ATP1B1: variants seen among roughly 807,000 people sequenced by gnomAD.
ATP1B1 encodes the protein sodium/potassium-transporting ATPase subunit beta-1.
Under a neutral mutation model 39.6 loss-of-function variants are expected in ATP1B1, and 3 were observed. The observed-to-expected ratio is 0.08, with a 90% confidence interval of 0.03 to 0.20. The LOEUF is 0.20. Among genes scored for constraint, ATP1B1 ranks in the 10% least tolerant of loss-of-function variants. ATP1B1 has a pLI of 1.00. For synonymous variants in ATP1B1, 139 were observed against 135.0 expected, an observed-to-expected ratio of 1.03 and a Z score of -0.20; for missense variants, 216 against 371.1, an observed-to-expected ratio of 0.58 and a Z score of 3.43.
In ATP1B1 at chr1:169,127,454, T is replaced by G. The variant is rs764143100; in HGVS notation, c.567+46T>G. 1.4e-5 allele frequency: 22 copies of G among 1,551,620 alleles called. No individual in the cohort carries two copies. The South Asian group carries it at 2.4e-4, about 17-fold the overall frequency. ...TAGAATTTAGATGAGTCATTTACAC[T>G]AAGTACTTAATTGATCTGAGAAGAC... On this transcript the variant is annotated intron_variant, in intron 4 of 5. Coordinates refer to ENST00000367815, the MANE Select transcript of ATP1B1 (RefSeq NM_001677.4).
intron 1 of ATP1B1, 95 bp downstream of exon 1, chr1:169,107,021 C>A (rs1239397433): frequency 8.1e-7 from 1 of 1,236,876 alleles, no homozygotes; most frequent in Non-Finnish European, 1.1e-6. Context: ...CCGCACCCAC[C>A]GCGCTGGCCG....
At chr1:169,114,355 C>T (rs1657796223) in intron 2 of ATP1B1, among the ~76,000 whole-genome samples, 1 of 152,112 alleles carries the variant, frequency 6.6e-6, no homozygotes, top group Admixed American at 6.5e-5. Flanking sequence ...GTTAGATACA[C>T]CTAGTGGGTG....
chr1:169,132,355 T>G lies in ATP1B1; in HGVS notation c.*800T>G, dbSNP rs771847045. 81 of 466,580 alleles carry G rather than the reference T, an allele frequency of 1.7e-4. No individual in the cohort carries two copies. The highest frequency in any genetic ancestry group is 1.8e-4 in the Non-Finnish European group (47 of 258,500). The allele number at this position is 466,580 out of a possible 1,614,324, so 28.9% of individuals were successfully genotyped here. Reference sequence around the variant, plus strand: ...TAGTGACAGGGCTAATTAATTTGCTTTATACATTTTCTTTTACTTTCCTTT... The same window carrying G: ...TAGTGACAGGGCTAATTAATTTGCTGTATACATTTTCTTTTACTTTCCTTT... On this transcript the variant is annotated 3_prime_UTR_variant, in exon 6 of 6. Transcript: ENST00000367815.
intron 1 of ATP1B1, among the ~76,000 whole-genome samples, 188 bp from the exon 2 acceptor site, chr1:169,111,182 G>A (rs1390538172): frequency 6.6e-6 from 1 of 152,154 alleles, no homozygotes; most frequent in East Asian, 1.9e-4. Flanking sequence ...CACTGCAAGT[G>A]GAGGGCTGCC....
In ATP1B1 at chr1:169,115,230, T is replaced by C. The variant is rs1441480746; in HGVS notation, c.226+3732T>C. Among the ~76,000 whole-genome samples the C allele has an allele frequency of 6.6e-5, 10 of 151,194 alleles. No individual in the cohort carries two copies. In the East Asian group the frequency reaches 1.9e-3, roughly 29 times the overall value. ...AAAAGGGGGGTGGGGAATCATATGCTCTGTGAGAACTAAATGAGATGATAA... is the reference window on the plus strand; with the variant it reads ...AAAAGGGGGGTGGGGAATCATATGCCCTGTGAGAACTAAATGAGATGATAA... On this transcript the variant is annotated intron_variant, in intron 2 of 5. Transcript: ENST00000367815.
Position 169,120,710 on chromosome 1 carries a change from TGACTG to T in ATP1B1, c.227-4172_227-4168del, listed in dbSNP as rs766972342. ...TTCCCTCACAAAGTAATTATAAACT[TGACTG>T]GCTTAGATCATGAGCTATGCTTACT... On this transcript the variant is annotated intron_variant, in intron 2 of 5. Transcript: ENST00000367815. Among the ~76,000 whole-genome samples the T allele has an allele frequency of 8.9e-4, 136 of 152,336 alleles. 1 individual carries two copies. The highest frequency in any genetic ancestry group is 8.2e-4 in the Non-Finnish European group (56 of 68,030).
chr1:169,132,603 T>C lies in ATP1B1; in HGVS notation c.*1048T>C. 1 of 539,634 alleles carries C rather than the reference T, an allele frequency of 1.9e-6. No individual in the cohort carries two copies. The highest frequency in any genetic ancestry group is 3.1e-5 in the East Asian group (1 of 32,054). The allele number at this position is 539,634 out of a possible 1,614,324, so 33.4% of individuals were successfully genotyped here. A position where few individuals can be genotyped will look rare whatever the true frequency, so the allele number is the denominator to read the frequency against. On this transcript the variant is annotated 3_prime_UTR_variant, in exon 6 of 6. Transcript: ENST00000367815. ...GTACCCCATAGACTGGTGTTAAATG[T>C]TGTCTACAGTGCAAAATCCATGTTC...
intron 2 of ATP1B1, among the ~76,000 whole-genome samples, chr1:169,118,774 T>C (rs1483614721): frequency 6.6e-6 from 1 of 152,214 alleles, no homozygotes; most frequent in Non-Finnish European, 1.5e-5. Flanking sequence ...GACACATGAT[T>C]TGTGCATGGC....
chr1:169,128,889 TTTC>T (rs1257489627), intron 4 of ATP1B1, among the ~76,000 whole-genome samples: 1 of 152,152 alleles, frequency 6.6e-6, no homozygotes, highest in African/African-American at 2.4e-5. Context: ...CAGTCCTTTT[TTTC>T]TTTTTTCTTT....
At chr1:169,130,947 C>G (rs1272147289) in intron 5 of ATP1B1, among the ~76,000 whole-genome samples, 3 of 152,074 alleles carry the variant, frequency 2.0e-5, no homozygotes, top group African/African-American at 7.2e-5. Context: ...ATTGATTTCT[C>G]AACAAGAAAA....
intron 2 of ATP1B1, among the ~76,000 whole-genome samples, chr1:169,113,092 G>GT (rs1657762652): frequency 6.6e-6 from 1 of 150,930 alleles, no homozygotes; most frequent in South Asian, 2.1e-4. Context: ...TTGAGACAGA[G>GT]TTTTGCTCTG....
chr1:169,110,648 C>T lies in ATP1B1; in HGVS notation c.98-722C>T, dbSNP rs910642383. The T allele has an allele frequency of 2.4e-5, 31 of 1,277,808 alleles. No individual in the cohort carries two copies. In the African/African-American group the frequency reaches 3.8e-4, roughly 16 times the overall value. 79.2% of individuals were successfully genotyped at this position (1,277,808 alleles called of 1,614,324 possible). A position where few individuals can be genotyped will look rare whatever the true frequency, so the allele number is the denominator to read the frequency against. ...TGTTAACTATGGGAAAAAGAAAATGCAGCCCAGCAAGTCAGTCATTATTCT... is the reference window on the plus strand; with the variant it reads ...TGTTAACTATGGGAAAAAGAAAATGTAGCCCAGCAAGTCAGTCATTATTCT... On this transcript the variant is annotated intron_variant, in intron 1 of 5. Transcript: ENST00000367815.
At chr1:169,116,309 C>T (rs1387786956) in intron 2 of ATP1B1, among the ~76,000 whole-genome samples, 1 of 152,228 alleles carries the variant, frequency 6.6e-6, no homozygotes, top group Non-Finnish European at 1.5e-5. Context: ...AGCTGGCTTG[C>T]TTCCTGGTAG....
rs1317954443 is a variant in ATP1B1, at chr1:169,124,871, C to T, written c.227-13C>T. The T allele has an allele frequency of 8.7e-6, 14 of 1,609,026 alleles. No individual in the cohort carries two copies. The highest frequency in any genetic ancestry group is 8.0e-5 in the African/African-American group (6 of 74,602). On this transcript the variant is annotated splice_polypyrimidine_tract_variant and intron_variant, in intron 2 of 5. Transcript: ENST00000367815. ...TGCCTTCCTACTAATGTTTTTCTCT[C>T]TGCCTGGTCTAGGATTAACACAGAT... is the stretch of plus-strand genomic sequence containing the variant.
intron 2 of ATP1B1, among the ~76,000 whole-genome samples, chr1:169,115,761 A>G (rs1008239167): frequency 2.0e-5 from 3 of 152,262 alleles, no homozygotes; most frequent in South Asian, 4.1e-4. Flanking sequence ...CATGGAGTCA[A>G]TAAAACCTTA....
At chr1:169,130,179 A>G (rs1023473258) in intron 5 of ATP1B1, 89 bp downstream of exon 5, 39 of 1,114,436 alleles carry the variant, frequency 3.5e-5, no homozygotes, top group Non-Finnish European at 5.2e-5. Context: ...TGACAGGTAG[A>G]ATTTTAATAG....
intron 5 of ATP1B1, 61 bp downstream of exon 5, chr1:169,130,151 TGAA>T (rs1443319477): frequency 5.1e-5 from 71 of 1,388,484 alleles, no homozygotes; most frequent in Non-Finnish European, 7.0e-5. Flanking sequence ...GAGGGGAGAA[TGAA>T]GAAGACTGTT....
chr1:169,119,408 T>C (rs1020966762), intron 2 of ATP1B1, among the ~76,000 whole-genome samples: 2 of 152,196 alleles, frequency 1.3e-5, no homozygotes, highest in African/African-American at 4.8e-5. Context: ...GTTAGATTTG[T>C]TTCCTGGAAT....
At chr1:169,124,006 T>C (rs1557951233) in intron 2 of ATP1B1, among the ~76,000 whole-genome samples, 2 of 152,252 alleles carry the variant, frequency 1.3e-5, no homozygotes, top group Admixed American at 6.5e-5. Context: ...AAAAAAATGT[T>C]CTTTGCTTAT....
Sources: allele counts gnomAD v4.1 joint callset (sites outside exome capture counted in the v4.1 genomes callset), GRCh38; gene constraint gnomAD v4.1.1; transcripts MANE v1.5; gene names NCBI Gene and HGNC (gene_info 2026-07-23, HGNC 2026-07-21).